The following ADSL variants were observed in gnomAD, a reference collection of about 807,000 sequenced individuals.
ADSL encodes adenylosuccinate lyase.
A neutral mutation model predicts 62.1 loss-of-function variants in ADSL; 44 were observed. The observed-to-expected ratio is 0.71, with a 90% CI of 0.56 to 0.91. The LOEUF (loss-of-function observed/expected upper bound fraction) is 0.91, where lower values mean the gene tolerates loss of function less well. Ranked by LOEUF, ADSL falls within the 40% of genes least tolerant of loss-of-function variation. The pLI is 0.00. For missense variants in ADSL, 531 were observed against 627.4 expected (o/e 0.85, Z 1.64); for synonymous variants, 198 against 220.5 (o/e 0.90, Z 0.90).
At chr22:40,364,459 C>A in intron 11 of ADSL, 94 bp downstream of exon 11, 3 of 1,052,714 alleles carry the variant, frequency 2.8e-6, no homozygotes, top group South Asian at 1.3e-5. Flanking sequence ...GTGTTTATGT[C>A]ATTACCTTCA....
At chr22:40,379,378 C>T (rs1471175015) in intron 2 of ADSL, 1 of 152,638 alleles carries the variant, frequency 6.6e-6, no homozygotes, top group African/African-American at 2.4e-5. Context: ...CCCTTACTCG[C>T]TGGTGCCTTT....
chr22:40,364,897 CAG>C lies in ADSL; in HGVS notation c.1212_1213del (p.Arg404SerfsTer11), dbSNP rs773567586. ...CTTCCCAGGATTGCCATGAGAAAAT[CAG>C]AGTGCTTTCTCAGCAGGCAGCTTCT... Reference protein sequence around the residue: ...GSRQDCHEKIRVLSQQAASVV... With the variant: ...GSRQDCHEKIXVLSQQAASVV... On this transcript the variant is annotated frameshift_variant, in exon 12 of 13. Coordinates refer to ENST00000623063, the MANE Select transcript of ADSL (RefSeq NM_000026.4). LOFTEE classifies it high-confidence loss of function. The C allele has an allele frequency of 6.2e-7, 1 of 1,614,194 alleles. No homozygotes were observed. The highest frequency in any genetic ancestry group is 8.5e-7 in the Non-Finnish European group (1 of 1,180,032).
chr22:40,374,585 A>G (rs2046227919), intron 2 of ADSL, among the ~76,000 whole-genome samples: 3 of 152,224 alleles, frequency 2.0e-5, no homozygotes, highest in Admixed American at 1.3e-4. Flanking sequence ...GTGAGCAATA[A>G]ATATCTGTTG....
chr22:40,376,763 C>G (rs1289667344), intron 2 of ADSL, among the ~76,000 whole-genome samples: 1 of 152,052 alleles, frequency 6.6e-6, no homozygotes, highest in Non-Finnish European at 1.5e-5. Flanking sequence ...TGCTCATAAT[C>G]TCCACCTTCA....
chr22:40,371,587 T>C (rs745586611), downstream of ADSL, among the ~76,000 whole-genome samples: 1 of 152,258 alleles, frequency 6.6e-6, no homozygotes, highest in Non-Finnish European at 1.5e-5. Context: ...TTTCCCGCTT[T>C]TCTTGCTCTT....
At chr22:40,356,067 T>C (rs2044542877) in intron 4 of ADSL, among the ~76,000 whole-genome samples, 1 of 149,538 alleles carries the variant, frequency 6.7e-6, no homozygotes, top group Non-Finnish European at 1.5e-5. Flanking sequence ...CCGGACGCAG[T>C]GGCGCATGCC....
At chr22:40,348,038 T>C (rs1246536611) in intron 1 of ADSL, among the ~76,000 whole-genome samples, 1 of 152,164 alleles carries the variant, frequency 6.6e-6, no homozygotes, top group African/African-American at 2.4e-5. Context: ...ATGTGTTCTT[T>C]GTGTTGGCCT....
chr22:40,350,384 C>T, intron 2 of ADSL: 1 of 254,346 alleles, frequency 3.9e-6, no homozygotes, highest in South Asian at 4.5e-5. Flanking sequence ...CCTCAGCCTC[C>T]CAAAGTGTTG....
At chr22:40,359,458 T>C (rs2044687477) in intron 6 of ADSL, 152 bp downstream of exon 6, 2 of 664,106 alleles carry the variant, frequency 3.0e-6, no homozygotes, top group African/African-American at 1.9e-5. Flanking sequence ...TGGGTTTTAC[T>C]TTCTTACTAT....
chr22:40,386,105 C>T (rs898212915), intron 2 of ADSL, among the ~76,000 whole-genome samples: 4 of 151,632 alleles, frequency 2.6e-5, no homozygotes, highest in African/African-American at 9.7e-5. Context: ...GTCTTGAACT[C>T]CTGCACTCAA....
At chr22:40,374,442 C>A (rs2046195410) in intron 2 of ADSL, among the ~76,000 whole-genome samples, 2 of 152,196 alleles carry the variant, frequency 1.3e-5, no homozygotes, top group African/African-American at 4.8e-5. Flanking sequence ...ACAGTATAGG[C>A]TTTAGAGTCT....
intron 4 of ADSL, among the ~76,000 whole-genome samples, chr22:40,356,604 C>T (rs1352798454): frequency 1.3e-5 from 2 of 150,854 alleles, no homozygotes; most frequent in Admixed American, 6.6e-5. Context: ...CGGCACTTTG[C>T]GGGGCCAAGG....
At chr22:40,377,955 A>C (rs1030799730) in intron 2 of ADSL, among the ~76,000 whole-genome samples, 2 of 152,208 alleles carry the variant, frequency 1.3e-5, no homozygotes, top group Non-Finnish European at 2.9e-5. Context: ...GTAGAATACA[A>C]AGTACCCCTA....
chr22:40,380,915 A>G (rs1322004318), intron 2 of ADSL, among the ~76,000 whole-genome samples: 3 of 152,132 alleles, frequency 2.0e-5, no homozygotes, highest in Non-Finnish European at 4.4e-5. Context: ...AGCCTGGACA[A>G]CAGAGCAAGA....
At chr22:40,347,634 T>TC (rs1413254833) in intron 1 of ADSL, among the ~76,000 whole-genome samples, 1 of 152,104 alleles carries the variant, frequency 6.6e-6, no homozygotes, top group Non-Finnish European at 1.5e-5. Context: ...CTAGATTCCC[T>TC]CCCTCCCCTT....
At chr22:40,348,397 GT>G (rs1569085423) in intron 1 of ADSL, 1 of 398,006 alleles carries the variant, frequency 2.5e-6, no homozygotes, top group Non-Finnish European at 4.4e-6. Flanking sequence ...ATATATTTAG[GT>G]TTTGAGACTG....
intron 2 of ADSL, among the ~76,000 whole-genome samples, chr22:40,376,669 C>G (rs1342454209): frequency 6.6e-6 from 1 of 152,048 alleles, no homozygotes; most frequent in Non-Finnish European, 1.5e-5. Context: ...TGCCCATTTA[C>G]AGGTGAGACA....
chr22:40,364,380 A>G lies in ADSL; in HGVS notation c.1191+15A>G, dbSNP rs758197412. ...GTAGCCGCCAGGTTTGTAACCCCTC[A>G]TGTTCCTGGATAAGTTGAGAGTGCA... On this transcript the variant is annotated intron_variant, in intron 11 of 12. Coordinates refer to ENST00000623063, the MANE Select transcript of ADSL (RefSeq NM_000026.4). The G allele has an allele frequency of 6.2e-7, 1 of 1,609,628 alleles. No homozygotes were observed. The highest frequency in any genetic ancestry group is 2.2e-5 in the East Asian group (1 of 44,852).
At chr22:40,379,091 C>T (rs2047126949) in intron 2 of ADSL, among the ~76,000 whole-genome samples, 1 of 152,194 alleles carries the variant, frequency 6.6e-6, no homozygotes, top group African/African-American at 2.4e-5. Context: ...CTCTGTAGCA[C>T]TATTCATCTG....
Sources: gnomAD v4.1 joint callset for allele counts (sites outside exome capture counted in the v4.1 genomes callset) on GRCh38, gnomAD v4.1.1 for gene constraint, MANE v1.5 for transcripts, NCBI Gene and HGNC (gene_info 2026-07-23, HGNC 2026-07-21) for gene names.